NFATC3: variants seen among roughly 807,000 people sequenced by gnomAD.
NFATC3 encodes the protein nuclear factor of activated T-cells, cytoplasmic 3.
NFATC3 carries 46 observed loss-of-function variants against 98.6 expected under a neutral mutation model. The ratio of observed to expected loss-of-function variants is 0.47; its 90% CI spans 0.37 to 0.60. The LOEUF (loss-of-function observed/expected upper bound fraction) is 0.60, where lower values mean the gene tolerates loss of function less well. Among genes scored for constraint, NFATC3 ranks in the 20% least tolerant of loss-of-function variants. The pLI is 0.00. For synonymous variants in NFATC3, 512 were observed against 472.2 expected (o/e 1.08, Z -1.09); for missense variants, 1,256 against 1,295.5 (o/e 0.97, Z 0.47).
At chr16:68,158,393 T>C (rs548882982) in intron 4 of NFATC3, among the ~76,000 whole-genome samples, 1 of 152,314 alleles carries the variant, frequency 6.6e-6, no homozygotes, top group African/African-American at 2.4e-5. Context: ...ACAATTATGA[T>C]TGTTCTATTT....
chr16:68,148,252 G>T (rs1467963363), intron 3 of NFATC3, among the ~76,000 whole-genome samples: 1 of 152,080 alleles, frequency 6.6e-6, no homozygotes, highest in Non-Finnish European at 1.5e-5. Context: ...CCGACCTCGG[G>T]TGATCCACCT....
chr16:68,118,941 C>T (rs2036431836), intron 1 of NFATC3, among the ~76,000 whole-genome samples: 1 of 152,172 alleles, frequency 6.6e-6, no homozygotes, highest in South Asian at 2.1e-4. Context: ...GATCTTGGCT[C>T]ACTGCAAGCT....
At chr16:68,123,841 C>T (rs1431180140) in intron 2 of NFATC3, among the ~76,000 whole-genome samples, 1 of 151,286 alleles carries the variant, frequency 6.6e-6, no homozygotes, top group East Asian at 2.0e-4. Context: ...AAAAATTAGC[C>T]AGGTGTGGTG....
intron 3 of NFATC3, among the ~76,000 whole-genome samples, chr16:68,137,076 T>C (rs2037455720): frequency 6.6e-6 from 1 of 152,186 alleles, no homozygotes; most frequent in South Asian, 2.1e-4. Flanking sequence ...TCTTAGGCTG[T>C]ACTATGTTTA....
intron 1 of NFATC3, among the ~76,000 whole-genome samples, chr16:68,100,634 C>T (rs908618853): frequency 6.6e-6 from 1 of 151,696 alleles, no homozygotes; most frequent in East Asian, 1.9e-4. Flanking sequence ...TCATTCCCAC[C>T]AGCAGGTGTA....
In NFATC3 at chr16:68,085,718, G is replaced by C; in HGVS notation, c.37G>C (p.Asp13His). ...TANCGAHDEL[D>H]FKLVFGEDGA... ...AAACTGTGGCGCCCACGACGAGCTCGACTTCAAACTCGTCTTTGGCGAGGA... is the reference window on the plus strand; with the variant it reads ...AAACTGTGGCGCCCACGACGAGCTCCACTTCAAACTCGTCTTTGGCGAGGA... Residue 13 changes from aspartate to histidine, a missense_variant, in exon 1 of 10, where the codon GAC becomes CAC. Asp to His is a moderately conservative substitution (Grantham distance 81, BLOSUM62 -1). This residue lies in a region of NFATC3 where 464 missense variants were observed against 465.7 expected (regional missense o/e 1.00). Coordinates refer to ENST00000346183, the MANE Select transcript of NFATC3 (RefSeq NM_173165.3). The C allele has an allele frequency of 1.3e-6, 2 of 1,514,976 alleles. No individual in the cohort carries two copies. The highest frequency in any genetic ancestry group is 1.8e-6 in the Non-Finnish European group (2 of 1,133,568). 93.8% of individuals were successfully genotyped at this position (1,514,976 alleles called of 1,614,324 possible).
At chr16:68,148,676 AG>A (rs1354121189) in intron 3 of NFATC3, among the ~76,000 whole-genome samples, 1 of 152,182 alleles carries the variant, frequency 6.6e-6, no homozygotes, top group Non-Finnish European at 1.5e-5. Flanking sequence ...ATGTGAGGTG[AG>A]ACTGAAAACA....
chr16:68,183,258 G>T lies in NFATC3; in HGVS notation c.1990G>T (p.Val664Phe). Reference sequence around the variant, plus strand: ...TCCTTAGGCTCACATTGTCCTTGAAGTTCCTCCATATCATAACCCAGCAGT... The same window carrying T: ...TCCTTAGGCTCACATTGTCCTTGAATTTCCTCCATATCATAACCCAGCAGT... Reference protein sequence around the residue: ...KCQGAHIVLEVPPYHNPAVTA... With the variant: ...KCQGAHIVLEFPPYHNPAVTA... Residue 664 changes from valine to phenylalanine, a missense_variant, in exon 8 of 10, where the codon GTT becomes TTT. Coordinates refer to ENST00000346183, the MANE Select transcript of NFATC3 (RefSeq NM_173165.3). 1 of 1,592,438 alleles carries T rather than the reference G, an allele frequency of 6.3e-7. No homozygotes were observed. Among genetic ancestry groups the T allele is most frequent in the Non-Finnish European group, 8.5e-7 (1 of 1,173,642 alleles).
chr16:68,117,329 C>T (rs1231245845), intron 1 of NFATC3, among the ~76,000 whole-genome samples: 1 of 152,104 alleles, frequency 6.6e-6, no homozygotes, highest in African/African-American at 2.4e-5. Context: ...GGATTTTGCT[C>T]CTAAATTTAT....
chr16:68,189,175 A>G (rs112494747), intron 8 of NFATC3: 8 of 152,264 alleles, frequency 5.3e-5, no homozygotes, highest in East Asian at 1.9e-4. Context: ...GATTATGTCT[A>G]TCCTTATGTT....
At chr16:68,109,060 G>A (rs1245479881) in intron 1 of NFATC3, among the ~76,000 whole-genome samples, 2 of 152,086 alleles carry the variant, frequency 1.3e-5, no homozygotes, top group Non-Finnish European at 2.9e-5. Flanking sequence ...CGAATACCCT[G>A]TATTTCTTTC....
rs533289546 is a variant in NFATC3, at chr16:68,211,074, T to C, written c.3107-15276T>C. On this transcript the variant is annotated intron_variant, in intron 9 of 9. Transcript: ENST00000346183. ...AGCCACTGTGCCTAGCCTTTTCTTT[T>C]CTTATAGTATCTTTTTCTGGCTTTG... Among the ~76,000 whole-genome samples the C allele has an allele frequency of 5.9e-5, 9 of 152,224 alleles. No individual in the cohort carries two copies. In the South Asian group the frequency reaches 1.9e-3, roughly 32 times the overall value.
chr16:68,118,898 C>T (rs1252916954), intron 1 of NFATC3, among the ~76,000 whole-genome samples: 1 of 152,116 alleles, frequency 6.6e-6, no homozygotes, highest in South Asian at 2.1e-4. Flanking sequence ...GAGACAGCCT[C>T]GCTCTGTTGC....
chr16:68,217,947 T>C, intron 9 of NFATC3: 1 of 1,221,834 alleles, frequency 8.2e-7, no homozygotes, highest in Non-Finnish European at 1.0e-6. Context: ...TCGATTACTG[T>C]GGAAGAATGA....
rs115082979 is a variant in NFATC3, at chr16:68,227,808, A to C, written c.*1337A>C. 1 of 152,056 alleles carries C rather than the reference A, an allele frequency of 6.6e-6. No homozygotes were observed. The highest frequency in any genetic ancestry group is 1.5e-5 in the Non-Finnish European group (1 of 68,006). The allele number at this position is 152,056 out of a possible 1,614,324, so 9.4% of individuals were successfully genotyped here. A position where few individuals can be genotyped will look rare whatever the true frequency, so the allele number is the denominator to read the frequency against. ...CCGAGTTGGGTACTTTAAAAAAAAA[A>C]AAAACCTGCCCTTACCCCTCTCCCT... On this transcript the variant is annotated 3_prime_UTR_variant, in exon 10 of 10. Transcript: ENST00000346183.
intron 1 of NFATC3, among the ~76,000 whole-genome samples, chr16:68,121,062 G>GAT (rs2151499861): frequency 6.6e-6 from 1 of 151,104 alleles, no homozygotes; most frequent in South Asian, 2.1e-4. Context: ...CCCATATCAA[G>GAT]ATATCTCATT....
intron 6 of NFATC3, among the ~76,000 whole-genome samples, chr16:68,177,796 TCC>T: frequency 6.6e-6 from 1 of 152,144 alleles, no homozygotes; most frequent in Non-Finnish European, 1.5e-5. Flanking sequence ...AAATCTGTCA[TCC>T]TCTTAAGCTT....
At chr16:68,086,216 CTA>C (rs1412840685) in intron 1 of NFATC3, among the ~76,000 whole-genome samples, 1 of 152,144 alleles carries the variant, frequency 6.6e-6, no homozygotes, top group African/African-American at 2.4e-5. Flanking sequence ...TAGGACCCCT[CTA>C]AAAATCAGGC....
chr16:68,110,507 G>A (rs1166541091), intron 1 of NFATC3, among the ~76,000 whole-genome samples: 2 of 150,568 alleles, frequency 1.3e-5, no homozygotes, highest in African/African-American at 2.4e-5. Context: ...GTAGAGACGG[G>A]GTTTCATCGT....
Sources: gnomAD v4.1 joint callset for allele counts (sites outside exome capture counted in the v4.1 genomes callset) on GRCh38, gnomAD v4.1.1 for gene constraint, gnomAD v4.1.1 regional missense constraint, MANE v1.5 for transcripts, NCBI Gene and HGNC (gene_info 2026-07-23, HGNC 2026-07-21) for gene names.